The following CSMD1 variants were observed in gnomAD, a reference collection of about 807,000 sequenced individuals.
The protein encoded by CSMD1 is CUB and sushi domain-containing protein 1.
Under a neutral mutation model 417.5 loss-of-function variants are expected in CSMD1, and 213 were observed. That is an observed-to-expected ratio of 0.51 (90% CI 0.46 to 0.57). CSMD1 has a LOEUF of 0.57. Among genes scored for constraint, CSMD1 ranks in the 20% least tolerant of loss-of-function variants. The pLI is 0.00. For synonymous variants in CSMD1, 2,862 were observed against 1,736.8 expected (o/e 1.65, Z -16.11); for missense variants, 6,923 against 4,529.7 (o/e 1.53, Z -15.17).
chr8:4,076,667 C>A (rs536057718), intron 3 of CSMD1, among the ~76,000 whole-genome samples: 3 of 152,166 alleles, frequency 2.0e-5, no homozygotes, highest in African/African-American at 4.8e-5. Context: ...CCTTATGCAT[C>A]GTGCTCCAAA....
intron 26 of CSMD1, among the ~76,000 whole-genome samples, chr8:3,255,339 C>G (rs1033091491): frequency 4.6e-5 from 7 of 152,188 alleles, no homozygotes; most frequent in Admixed American, 1.3e-4. Context: ...AGGAGGCAGT[C>G]TGTCCATTCT....
intron 54 of CSMD1, among the ~76,000 whole-genome samples, chr8:2,995,298 T>G (rs145948002): frequency 1.7e-4 from 26 of 152,322 alleles, no homozygotes; most frequent in African/African-American, 5.5e-4. Context: ...GATAAGGTAC[T>G]CACGTCGTTA....
At chr8:3,515,928 A>G (rs1425255783) in intron 10 of CSMD1, among the ~76,000 whole-genome samples, 1 of 152,194 alleles carries the variant, frequency 6.6e-6, no homozygotes, top group Non-Finnish European at 1.5e-5. Context: ...TAAAATAATG[A>G]ATACTAGTAT....
At chr8:3,654,346 G>C (rs1333464680) in intron 7 of CSMD1, among the ~76,000 whole-genome samples, 1 of 152,140 alleles carries the variant, frequency 6.6e-6, no homozygotes, top group Non-Finnish European at 1.5e-5. Context: ...TGAAAAGTTT[G>C]ATGTCACATT....
At chr8:3,222,596 A>T (rs1293555414) in intron 28 of CSMD1, among the ~76,000 whole-genome samples, 1 of 152,144 alleles carries the variant, frequency 6.6e-6, no homozygotes, top group Non-Finnish European at 1.5e-5. Context: ...GTCATGAACC[A>T]CCATGCCTGG....
At chr8:3,488,754 G>C (rs1818201231) in intron 11 of CSMD1, among the ~76,000 whole-genome samples, 1 of 152,142 alleles carries the variant, frequency 6.6e-6, no homozygotes, top group Non-Finnish European at 1.5e-5. Flanking sequence ...TTCAAGTCAA[G>C]AACAGGGTTC....
chr8:3,403,075 T>G (rs965517700), intron 15 of CSMD1, among the ~76,000 whole-genome samples: 1 of 152,228 alleles, frequency 6.6e-6, no homozygotes, highest in Non-Finnish European at 1.5e-5. Flanking sequence ...CTTGTAGTTC[T>G]ATTTTTATTA....
chr8:4,733,500 T>C (rs931660029), intron 1 of CSMD1, among the ~76,000 whole-genome samples: 1 of 152,172 alleles, frequency 6.6e-6, no homozygotes. Context: ...GTTTTACACA[T>C]AATCCTCTCA....
chr8:3,821,676 G>C (rs1223558680), intron 5 of CSMD1, among the ~76,000 whole-genome samples: 2 of 152,170 alleles, frequency 1.3e-5, no homozygotes, highest in African/African-American at 4.8e-5. Context: ...CAACTACTCA[G>C]GAGGCTGAGG....
intron 2 of CSMD1, among the ~76,000 whole-genome samples, chr8:4,590,170 T>G: frequency 6.6e-6 from 1 of 150,688 alleles, no homozygotes; most frequent in East Asian, 2.0e-4. Context: ...TTCTTTATGC[T>G]GTTTTTTTTT....
chr8:4,320,655 A>G (rs2128883913), intron 3 of CSMD1, among the ~76,000 whole-genome samples: 1 of 152,252 alleles, frequency 6.6e-6, no homozygotes, highest in Admixed American at 6.5e-5. Context: ...GATGGTTTAC[A>G]GCTTCATCGA....
intron 3 of CSMD1, among the ~76,000 whole-genome samples, chr8:4,360,406 C>T (rs1801685094): frequency 2.0e-5 from 3 of 152,166 alleles, no homozygotes. Context: ...ATCTATAAAA[C>T]AGTATTTGTG....
At chr8:4,941,672 C>T (rs910708996) in intron 1 of CSMD1, among the ~76,000 whole-genome samples, 7 of 151,824 alleles carry the variant, frequency 4.6e-5, no homozygotes, top group South Asian at 4.1e-4. Context: ...AATCACAGCT[C>T]TCTGCAGCCT....
Position 4,125,900 on chromosome 8 carries a change from G to T in CSMD1, c.416-93801C>A, listed in dbSNP as rs968220350. Among the ~76,000 whole-genome samples the T allele has an allele frequency of 2.0e-5, 3 of 152,056 alleles. 1 individual carries two copies. The highest frequency in any genetic ancestry group is 2.0e-4 in the Admixed American group (3 of 15,270). On this transcript the variant is annotated intron_variant, in intron 3 of 69. Coordinates refer to ENST00000635120, the MANE Select transcript of CSMD1 (RefSeq NM_033225.6). ...TTAGGACTTACGGTTTAGGAGACAC[G>T]CAGCCTCTGGCTCCAAGAGTATGAA...
intron 21 of CSMD1, among the ~76,000 whole-genome samples, chr8:3,353,020 G>A (rs1296955001): frequency 1.3e-5 from 2 of 152,190 alleles, no homozygotes. Context: ...ACAGGTGTGA[G>A]AGGGAAACTA....
chr8:4,189,803 T>G (rs1008547274), intron 3 of CSMD1, among the ~76,000 whole-genome samples: 2 of 152,172 alleles, frequency 1.3e-5, no homozygotes. Flanking sequence ...CTTGTTGCCA[T>G]ATATTAAGGT....
intron 30 of CSMD1, among the ~76,000 whole-genome samples, chr8:3,208,919 G>A (rs1458572416): frequency 2.0e-5 from 3 of 152,088 alleles, no homozygotes; most frequent in East Asian, 1.9e-4. Context: ...CATATTGTGG[G>A]AATTTGTGAT....
chr8:4,253,202 C>G (rs763884233), intron 3 of CSMD1, among the ~76,000 whole-genome samples: 2 of 152,110 alleles, frequency 1.3e-5, no homozygotes, highest in Non-Finnish European at 2.9e-5. Flanking sequence ...TCTACGATCC[C>G]GCCCCATTCC....
chr8:3,722,395 G>T (rs1281617457), intron 6 of CSMD1, among the ~76,000 whole-genome samples: 2 of 152,174 alleles, frequency 1.3e-5, no homozygotes, highest in Admixed American at 1.3e-4. Flanking sequence ...TGAAAGCACA[G>T]TAGCTAAGAA....
Sources: allele counts gnomAD v4.1 joint callset (sites outside exome capture counted in the v4.1 genomes callset), GRCh38; gene constraint gnomAD v4.1.1; transcripts MANE v1.5; gene names NCBI Gene and HGNC (gene_info 2026-07-23, HGNC 2026-07-21).